Variants in DNA2 observed in about 807,000 individuals in gnomAD.
DNA2 encodes DNA replication ATP-dependent helicase/nuclease DNA2.
DNA2 carries 101 observed loss-of-function variants against 119.1 expected under a neutral mutation model. The ratio of observed to expected loss-of-function variants is 0.85; its 90% CI spans 0.72 to 1.00. The LOEUF is 1.00. Among genes scored for constraint, DNA2 ranks in the 50% least tolerant of loss-of-function variants. The pLI is 0.00. For synonymous variants in DNA2, 366 were observed against 424.4 expected (o/e 0.86, Z 1.69); for missense variants, 1,121 against 1,255.5 (o/e 0.89, Z 1.62).
rs145618781 is a variant in DNA2 at position 68,438,694 on chromosome 10, T to C, written c.1416-1453A>G. ...AATGTTATCTTGTGTTAAAGTCTAATGTTAGGGAAGAAAATGATCCAATTA... is the reference window on the plus strand; with the variant it reads ...AATGTTATCTTGTGTTAAAGTCTAACGTTAGGGAAGAAAATGATCCAATTA... On this transcript the variant is annotated intron_variant, in intron 9 of 20. Coordinates refer to ENST00000358410, the MANE Select transcript of DNA2 (RefSeq NM_001080449.3). Among the ~76,000 whole-genome samples the C allele has an allele frequency of 5.5e-3, 830 of 152,142 alleles. 11 individuals carry two copies. The highest frequency in any genetic ancestry group is 0.045 in the South Asian group (215 of 4,824).
intron 14 of DNA2, among the ~76,000 whole-genome samples, chr10:68,425,479 G>A (rs373476915): frequency 8.7e-5 from 13 of 149,980 alleles, no homozygotes; most frequent in African/African-American, 2.5e-4. Context: ...TCGGCTCACC[G>A]CAAGCTCCGC....
In DNA2 at chr10:68,443,068, T is replaced by C; in HGVS notation, c.1264A>G (p.Met422Val). ...GTTTCTTCTTCTATTTTGGGCAGCA[T>C]CACAATTGGGACTGAACTACAATCC... is the stretch of plus-strand genomic sequence containing the variant. Reference protein sequence around the residue: ...QMDCSSVPIVMLPKIEEETQH... With the variant: ...QMDCSSVPIVVLPKIEEETQH... The change falls in exon 9 of 21, where the codon ATG becomes GTG. Residue 422 changes from methionine to valine, a missense_variant. Met to Val is a conservative substitution (Grantham distance 21). Coordinates refer to ENST00000358410, the MANE Select transcript of DNA2 (RefSeq NM_001080449.3). The C allele has an allele frequency of 6.3e-7, 1 of 1,586,032 alleles. No homozygotes were observed. The highest frequency in any genetic ancestry group is 8.6e-7 in the Non-Finnish European group (1 of 1,164,728).
intron 14 of DNA2, chr10:68,425,026 A>C: frequency 2.1e-6 from 1 of 483,292 alleles, no homozygotes; most frequent in Admixed American, 2.7e-5. Flanking sequence ...CCATGGTTTA[A>C]CTGAGATTTT....
At chr10:68,454,968 T>C (rs1363340804) in intron 5 of DNA2, among the ~76,000 whole-genome samples, 1 of 151,156 alleles carries the variant, frequency 6.6e-6, no homozygotes, top group Non-Finnish European at 1.5e-5. Flanking sequence ...AGATGGAATC[T>C]TGCTCTGTCA....
intron 6 of DNA2, among the ~76,000 whole-genome samples, chr10:68,448,729 T>C (rs554443367): frequency 8.5e-5 from 13 of 152,296 alleles, no homozygotes; most frequent in Non-Finnish European, 1.5e-4. Context: ...ACAATCTCAA[T>C]GGAAAAAGAT....
Position 68,443,078 on chromosome 10 carries a change from G to T in DNA2, c.1254C>A (p.Val418=), listed in dbSNP as rs1393836015. Residue 418 remains valine, a synonymous_variant, in exon 9 of 21, where the codon GTC becomes GTA. Coordinates refer to ENST00000358410, the MANE Select transcript of DNA2 (RefSeq NM_001080449.3). ...CTATTTTGGGCAGCATCACAATTGG[G>T]ACTGAACTACAATCCATCTGTTGTT... ...AVEQQMDCSS[V]PIVMLPKIEE... is the part of the protein sequence containing the mutation. The T allele has an allele frequency of 3.2e-6, 5 of 1,580,436 alleles. No homozygotes were observed. The East Asian group carries it at 1.1e-4, about 36-fold the overall frequency.
At chr10:68,449,973 C>CAAAA in intron 6 of DNA2, 55 bp downstream of exon 6, 16 of 974,454 alleles carry the variant, frequency 1.6e-5, no homozygotes, top group East Asian at 5.8e-5. Flanking sequence ...GACTCTGTCT[C>CAAAA]AAAAAAAAAA....
At chr10:68,434,410 G>A (rs1231876003) in intron 10 of DNA2, among the ~76,000 whole-genome samples, 1 of 151,930 alleles carries the variant, frequency 6.6e-6, no homozygotes, top group Non-Finnish European at 1.5e-5. Flanking sequence ...CACTTCAGAA[G>A]GCTGAAGCAG....
intron 5 of DNA2, among the ~76,000 whole-genome samples, chr10:68,457,058 C>T (rs544041319): frequency 7.5e-4 from 114 of 151,132 alleles, no homozygotes; most frequent in African/African-American, 2.5e-3. Flanking sequence ...GGCGTGAACC[C>T]GGGAGGCGGA....
At chr10:68,459,351 T>A (rs2052226695) in intron 4 of DNA2, 116 bp from the exon 5 acceptor site, 2 of 1,080,598 alleles carry the variant, frequency 1.9e-6, no homozygotes, top group Non-Finnish European at 1.3e-6. Flanking sequence ...AAAATACATA[T>A]AAGCAACCCA....
In DNA2 at chr10:68,422,696, C is replaced by A; in HGVS notation, c.2402+1G>T. On this transcript the variant is annotated splice_donor_variant, in intron 15 of 20. Transcript: ENST00000358410. LOFTEE classifies it high-confidence loss of function. ...AAATTAACACTTAAGTGTCTGCCTA[C>A]CTTGCTTCACGGTTTAGCACCAGGG... 5.0e-6 allele frequency: 8 copies of A among 1,613,412 alleles called. No homozygotes were observed. The highest frequency in any genetic ancestry group is 6.8e-6 in the Non-Finnish European group (8 of 1,179,610).
At chr10:68,467,417 C>CA (rs2052339923) in intron 3 of DNA2, among the ~76,000 whole-genome samples, 7 of 147,520 alleles carry the variant, frequency 4.7e-5, no homozygotes, top group African/African-American at 1.3e-4. Context: ...CCCCAAAATA[C>CA]GTTTTTTTTT....
chr10:68,424,143 CA>C (rs113766790), intron 14 of DNA2, among the ~76,000 whole-genome samples: 8,594 of 151,830 alleles, frequency 0.057, 788 homozygotes, highest in African/African-American at 0.19. Flanking sequence ...GAATATGAAC[CA>C]AAAAACAAAG....
chr10:68,452,878 G>A (rs12782893), intron 5 of DNA2, among the ~76,000 whole-genome samples: 7,211 of 146,522 alleles, frequency 0.049, 206 homozygotes, highest in African/African-American at 0.074. Flanking sequence ...GCCACCATGC[G>A]CGGCCACTAT....
rs2133402732 is a variant in DNA2, at chr10:68,445,080, A to T, written c.1061T>A (p.Leu354Ter). 1.3e-6 allele frequency: 2 copies of T among 1,590,658 alleles called. No individual in the cohort carries two copies. The highest frequency in any genetic ancestry group is 3.7e-4 in the Middle Eastern group (2 of 5,412). The change falls in exon 8 of 21, where the codon TTA becomes TAA. Residue 354 changes from leucine (L) to a stop codon, truncating the protein, a stop_gained. Transcript: ENST00000358410. LOFTEE classifies it high-confidence loss of function. ...TGCCATCTGGTTTCTTAGCTTTAAT[A>T]ATTCTATGAAAAAAAAGGTGAATGT... ...VPANHLDKRE[L>*]LKLRNQMAFS... is the part of the protein sequence containing the mutation.
At chr10:68,416,161 G>C (rs896023775) in intron 20 of DNA2, among the ~76,000 whole-genome samples, 2 of 152,106 alleles carry the variant, frequency 1.3e-5, no homozygotes, top group Non-Finnish European at 2.9e-5. Flanking sequence ...AGTGAAGTTA[G>C]GCACCACTTC....
intron 18 of DNA2, 82 bp from the exon 19 acceptor site, chr10:68,419,295 A>G (rs2051635319): frequency 9.2e-7 from 1 of 1,087,878 alleles, no homozygotes; most frequent in Admixed American, 3.5e-5. Context: ...AAATGTTTAC[A>G]TTATGTGCCC....
intron 14 of DNA2, among the ~76,000 whole-genome samples, chr10:68,426,696 G>A (rs1038011432): frequency 4.7e-5 from 7 of 149,922 alleles, no homozygotes; most frequent in South Asian, 4.2e-4. Context: ...AAAATTAGCC[G>A]GGCATGGTGG....
At chr10:68,425,902 A>G (rs1356714567) in intron 14 of DNA2, among the ~76,000 whole-genome samples, 1 of 151,920 alleles carries the variant, frequency 6.6e-6, no homozygotes, top group Non-Finnish European at 1.5e-5. Flanking sequence ...TGGGAGGGCA[A>G]GATGGGTGAA....
Sources: allele counts gnomAD v4.1 joint callset (sites outside exome capture counted in the v4.1 genomes callset), GRCh38; gene constraint gnomAD v4.1.1; transcripts MANE v1.5; gene names NCBI Gene and HGNC (gene_info 2026-07-23, HGNC 2026-07-21).